ZNF280C: variants seen among roughly 807,000 people sequenced by gnomAD.
ZNF280C encodes the protein suppressor of hairy wing homolog 3.
ZNF280C carries 14 observed loss-of-function variants against 53.6 expected under a neutral mutation model. The observed-to-expected ratio is 0.26, with a 90% CI of 0.17 to 0.41. The LOEUF is 0.41. Ranked by LOEUF, ZNF280C falls within the 10% of genes least tolerant of loss-of-function variation. The pLI, the probability that ZNF280C is intolerant of heterozygous loss-of-function variation, is 1.00. For synonymous variants in ZNF280C, 203 were observed against 181.1 expected, an observed-to-expected ratio of 1.12 and a Z score of -0.97; for missense variants, 416 against 547.1, an observed-to-expected ratio of 0.76 and a Z score of 2.39.
At chrX:130,258,561 C>T (rs1491003489) in intron 2 of ZNF280C, among the ~76,000 whole-genome samples, 5 of 112,370 alleles carry the variant, frequency 4.4e-5, no homozygotes. Context: ...AAAAAATCTT[C>T]AAATTCTCCC....
At chrX:130,244,639 G>C (rs969137586) in intron 3 of ZNF280C, among the ~76,000 whole-genome samples, 1 of 109,029 alleles carries the variant, frequency 9.2e-6, no homozygotes, top group Non-Finnish European at 1.9e-5. Flanking sequence ...TTAGCTGGGC[G>C]TGGTGGCAGG....
chrX:130,205,530 G>T, intron 16 of ZNF280C, 115 bp from the exon 17 acceptor site: 2 of 467,898 alleles, frequency 4.3e-6, no homozygotes, highest in Non-Finnish European at 7.0e-6. Context: ...CTCCACAACC[G>T]TCATTTTCCA....
chrX:130,254,299 A>G (rs1238398116), intron 2 of ZNF280C, among the ~76,000 whole-genome samples: 1 of 112,122 alleles, frequency 8.9e-6, no homozygotes, highest in Non-Finnish European at 1.9e-5. Context: ...ACATTTATAC[A>G]CTGTTGGTGG....
chrX:130,264,714 T>A (rs1021971011), intron 1 of ZNF280C, among the ~76,000 whole-genome samples: 5 of 110,985 alleles, frequency 4.5e-5, no homozygotes, highest in African/African-American at 1.6e-4. Flanking sequence ...AAAAACTCAA[T>A]AGAAGTAGGT....
chrX:130,246,533 TAACA>T (rs2032452256), intron 3 of ZNF280C, among the ~76,000 whole-genome samples: 1 of 112,319 alleles, frequency 8.9e-6, no homozygotes, highest in East Asian at 2.8e-4. Flanking sequence ...AAAAAAAAAT[TAACA>T]AATAAATAGG....
chrX:130,228,559 A>G (rs1294517458), intron 10 of ZNF280C, among the ~76,000 whole-genome samples: 3 of 109,321 alleles, frequency 2.7e-5, no homozygotes, highest in Non-Finnish European at 5.7e-5. Flanking sequence ...CTGGGATTAC[A>G]GGAATGAGCC....
At chrX:130,250,169 A>C (rs767800037) in intron 2 of ZNF280C, among the ~76,000 whole-genome samples, 2 of 111,892 alleles carry the variant, frequency 1.8e-5, no homozygotes, top group Admixed American at 9.5e-5. Flanking sequence ...AGAGACCACT[A>C]AACACCCACA....
intron 2 of ZNF280C, 72 bp downstream of exon 2, chrX:130,260,346 TA>T: frequency 1.2e-6 from 1 of 855,128 alleles, no homozygotes; most frequent in Non-Finnish European, 1.6e-6. Flanking sequence ...CTTCTGTCTC[TA>T]ATCTTTTCTT....
Position 130,241,824 on chromosome X carries a change from T to G in ZNF280C, c.381+1739A>C, listed in dbSNP as rs138953628. Among the ~76,000 whole-genome samples the G allele has an allele frequency of 8.7e-3, 965 of 111,505 alleles. 12 individuals carry two copies. Among genetic ancestry groups the G allele is most frequent in the African/African-American group, 0.03 (909 of 30,642 alleles). On this transcript the variant is annotated intron_variant, in intron 5 of 18. Coordinates refer to ENST00000370978, the MANE Select transcript of ZNF280C (RefSeq NM_017666.5). ...GATGTGTGTATACACATGTTTAAAA[T>G]TCTGGGTTAACCTGGATTGAAATAC...
intron 15 of ZNF280C, among the ~76,000 whole-genome samples, chrX:130,210,289 C>G (rs945761590): frequency 8.9e-6 from 1 of 111,783 alleles, no homozygotes; most frequent in South Asian, 3.7e-4. Flanking sequence ...ACATATTTCC[C>G]TGAGAATTTT....
intron 5 of ZNF280C, among the ~76,000 whole-genome samples, chrX:130,240,853 C>T (rs1310035650): frequency 1.8e-5 from 2 of 112,074 alleles, no homozygotes; most frequent in African/African-American, 3.2e-5. Flanking sequence ...TTGGGCAAGC[C>T]ACTTCTGAGC....
At chrX:130,230,460 T>C in intron 9 of ZNF280C, 50 bp downstream of exon 9, 10 of 869,099 alleles carry the variant, frequency 1.2e-5, no homozygotes, top group Non-Finnish European at 1.6e-5. Context: ...TATATTCTTA[T>C]CTGTCATATC....
intron 1 of ZNF280C, among the ~76,000 whole-genome samples, chrX:130,264,092 G>A (rs2032663010): frequency 9.2e-6 from 1 of 108,798 alleles, no homozygotes; most frequent in South Asian, 4.0e-4. Flanking sequence ...CAGCTGGTAG[G>A]ATTTAAGCTT....
At chrX:130,238,721 C>A (rs1036565562) in intron 6 of ZNF280C, among the ~76,000 whole-genome samples, 5 of 111,219 alleles carry the variant, frequency 4.5e-5, no homozygotes, top group Non-Finnish European at 9.5e-5. Flanking sequence ...TAAGTGACAC[C>A]TAGATAGGTG....
rs201285252 is a variant in ZNF280C at position 130,242,371 on chromosome X, ATTACTT to A, written c.381+1186_381+1191del. On this transcript the variant is annotated intron_variant, in intron 5 of 18. Coordinates refer to ENST00000370978, the MANE Select transcript of ZNF280C (RefSeq NM_017666.5). Reference sequence around the variant, plus strand: ...TAAATGTTAAGTATTATCATTATCTATTACTTTTATTAAAAGTTTTTAAAGCTAAAC... The same window carrying A: ...TAAATGTTAAGTATTATCATTATCTATTATTAAAAGTTTTTAAAGCTAAAC... Among the ~76,000 whole-genome samples, 943 of 112,629 alleles carry A rather than the reference ATTACTT, an allele frequency of 8.4e-3. 12 individuals are homozygous for A. Among genetic ancestry groups the A allele is most frequent in the African/African-American group, 0.029 (885 of 31,031 alleles).
chrX:130,242,634 G>A (rs2032405561), intron 5 of ZNF280C, among the ~76,000 whole-genome samples: 1 of 111,966 alleles, frequency 8.9e-6, no homozygotes, highest in South Asian at 3.7e-4. Flanking sequence ...CTGCCTCCCA[G>A]GTTTAAGCAA....
chrX:130,268,455 C>A (rs2032714133), intron 1 of ZNF280C, among the ~76,000 whole-genome samples: 1 of 112,156 alleles, frequency 8.9e-6, no homozygotes, highest in Non-Finnish European at 1.9e-5. Flanking sequence ...TGGAAACAGA[C>A]CGACAGGACT....
chrX:130,226,624 T>C, intron 12 of ZNF280C, 135 bp downstream of exon 12: 2 of 561,474 alleles, frequency 3.6e-6, no homozygotes, highest in South Asian at 1.6e-4. Flanking sequence ...CAGAACAACT[T>C]TGCTTTCTGT....
chrX:130,251,282 C>CAAAAAAAAAAAAAAA lies in ZNF280C; in HGVS notation c.32-4292_32-4278dup, dbSNP rs61571389. On this transcript the variant is annotated intron_variant, in intron 2 of 18. Coordinates refer to ENST00000370978, the MANE Select transcript of ZNF280C (RefSeq NM_017666.5). Reference sequence around the variant, plus strand: ...AGGCAAACGCAGTAAGGACCTGTCTCAAAAAAAAAAAAAAAAAAAAAAAAA... The same window carrying CAAAAAAAAAAAAAAA: ...AGGCAAACGCAGTAAGGACCTGTCTCAAAAAAAAAAAAAAAAAAAAAAAAAAAAAAAAAAAAAAAA... Among the ~76,000 whole-genome samples the CAAAAAAAAAAAAAAA allele has an allele frequency of 4.7e-3, 72 of 15,337 alleles. 10 individuals carry two copies. The highest frequency in any genetic ancestry group is 0.013 in the African/African-American group (34 of 2,590). 13.3% of individuals were successfully genotyped at this position (15,337 alleles called of 115,157 possible).
Sources: allele counts gnomAD v4.1 joint callset (sites outside exome capture counted in the v4.1 genomes callset), GRCh38; gene constraint gnomAD v4.1.1; transcripts MANE v1.5; gene names NCBI Gene and HGNC (gene_info 2026-07-23, HGNC 2026-07-21).